RAPGEF4: variants seen among roughly 807,000 people sequenced by gnomAD.
The protein encoded by RAPGEF4 is Rap guanine nucleotide exchange factor 4, also known as RAP guanine-nucleotide-exchange factor (GEF) 4.
A neutral mutation model predicts 147.9 loss-of-function variants in RAPGEF4; 66 were observed. The observed-to-expected ratio is 0.45, with a 90% CI of 0.37 to 0.55. The LOEUF is 0.55. Ranked by LOEUF, RAPGEF4 falls within the 20% of genes least tolerant of loss-of-function variation. The pLI is 0.00. For synonymous variants in RAPGEF4, 419 were observed against 442.7 expected, an observed-to-expected ratio of 0.95 and a Z score of 0.67; for missense variants, 1,071 against 1,257.3, an observed-to-expected ratio of 0.85 and a Z score of 2.24.
At position 172,817,911 on chromosome 2, in the gene RAPGEF4, AT is replaced by A. The variant is rs1390377724; in HGVS notation, c.444+3487del. Among the ~76,000 whole-genome samples, 7 of 147,606 alleles carry A rather than the reference AT, an allele frequency of 4.7e-5. No homozygotes were observed. The East Asian group carries it at 9.8e-4, about 21-fold the overall frequency. ...ATATATATATATCACAATTATATATATATATAATATACATATTACAATTATA... is the reference window on the plus strand; with the variant it reads ...ATATATATATATCACAATTATATATAATATAATATACATATTACAATTATA... On this transcript the variant is annotated intron_variant, in intron 4 of 30. Coordinates refer to ENST00000397081, the MANE Select transcript of RAPGEF4 (RefSeq NM_007023.4).
intron 1 of RAPGEF4, among the ~76,000 whole-genome samples, chr2:172,791,234 C>G (rs531661271): frequency 6.6e-6 from 1 of 152,180 alleles, no homozygotes; most frequent in Non-Finnish European, 1.5e-5. Flanking sequence ...GTAGGCTCAC[C>G]TCTATGCTAT....
intron 4 of RAPGEF4, among the ~76,000 whole-genome samples, chr2:172,846,905 T>C (rs926062508): frequency 4.6e-5 from 7 of 152,162 alleles, no homozygotes; most frequent in Non-Finnish European, 1.5e-5. Flanking sequence ...ATCATGAGTT[T>C]CCAGCACGTG....
At chr2:172,744,034 T>G (rs1309839903) in intron 1 of RAPGEF4, 2 of 166,876 alleles carry the variant, frequency 1.2e-5, no homozygotes, top group African/African-American at 4.8e-5. Flanking sequence ...ACCTCATCTT[T>G]TTTAGCCCTG....
At chr2:172,756,868 A>G (rs1695828624) in intron 1 of RAPGEF4, among the ~76,000 whole-genome samples, 1 of 152,248 alleles carries the variant, frequency 6.6e-6, no homozygotes, top group South Asian at 2.1e-4. Context: ...AGTGAAACTC[A>G]CAGAGTTATA....
intron 4 of RAPGEF4, among the ~76,000 whole-genome samples, chr2:172,867,112 C>T (rs978490046): frequency 1.3e-5 from 2 of 151,892 alleles, no homozygotes; most frequent in African/African-American, 4.8e-5. Context: ...GCTGGGATTG[C>T]AGGCGCCCAC....
At chr2:172,877,436 C>A (rs892888400) in intron 4 of RAPGEF4, among the ~76,000 whole-genome samples, 1 of 151,332 alleles carries the variant, frequency 6.6e-6, no homozygotes, top group Non-Finnish European at 1.5e-5. Context: ...TTGATGGGTG[C>A]AGCAAACCAC....
Position 172,871,546 on chromosome 2 carries a change from G to T in RAPGEF4, c.445-46256G>T, listed in dbSNP as rs191267503. On this transcript the variant is annotated intron_variant, in intron 4 of 30. Transcript: ENST00000397081. ...TAACCTCTCTTTGCCAGGGCCTTCA[G>T]TTGTAAAATGGAAATAAGGTTCCCA... is the stretch of plus-strand genomic sequence containing the variant. Among the ~76,000 whole-genome samples the T allele has an allele frequency of 4.4e-4, 66 of 151,332 alleles. No homozygotes were observed. In the East Asian group the frequency reaches 0.011, roughly 25 times the overall value.
At chr2:172,972,942 A>G (rs1229699651) in intron 10 of RAPGEF4, among the ~76,000 whole-genome samples, 2 of 152,184 alleles carry the variant, frequency 1.3e-5, no homozygotes, top group Non-Finnish European at 2.9e-5. Context: ...TTATTTTTTA[A>G]TTCCTAACTT....
Position 172,922,281 on chromosome 2 carries a change from G to A in RAPGEF4, c.518G>A (p.Arg173Lys). 2 of 1,606,876 alleles carry A rather than the reference G, an allele frequency of 1.2e-6. No homozygotes were observed. The highest frequency in any genetic ancestry group is 1.7e-6 in the Non-Finnish European group (2 of 1,173,760). Residue 173 changes from arginine to lysine, a missense_variant and splice_region_variant, in exon 6 of 31, where the codon AGG becomes AAG. By Grantham distance (26) the Arg-to-Lys change is conservative. Coordinates refer to ENST00000397081, the MANE Select transcript of RAPGEF4 (RefSeq NM_007023.4). ...TCTCTGTCTCTTTTTCCTCCTTTAG[G>A]GATTCCTGACAAGGAGAACGTGAGT... ...GVMETGSNND[R>K]IPDKENTPLI...
chr2:172,776,458 G>C (rs190034650), intron 1 of RAPGEF4, among the ~76,000 whole-genome samples: 1 of 152,054 alleles, frequency 6.6e-6, no homozygotes, highest in Non-Finnish European at 1.5e-5. Flanking sequence ...ACTTTTGGGC[G>C]TATTTACTGC....
chr2:172,907,454 GA>G, intron 4 of RAPGEF4, among the ~76,000 whole-genome samples: 1 of 152,170 alleles, frequency 6.6e-6, no homozygotes, highest in Non-Finnish European at 1.5e-5. Context: ...TCAGAGGGCA[GA>G]AAGGCTTTGC....
At chr2:172,819,398 T>G (rs1688822879) in intron 4 of RAPGEF4, among the ~76,000 whole-genome samples, 1 of 151,700 alleles carries the variant, frequency 6.6e-6, no homozygotes, top group African/African-American at 2.4e-5. Flanking sequence ...TTGGAGACAG[T>G]ATGTTTCTGA....
At chr2:172,779,318 G>GT (rs1407355951) in intron 1 of RAPGEF4, among the ~76,000 whole-genome samples, 1 of 152,196 alleles carries the variant, frequency 6.6e-6, no homozygotes, top group African/African-American at 2.4e-5. Flanking sequence ...GAGGACTGTG[G>GT]TTTTAAATGG....
intron 15 of RAPGEF4, among the ~76,000 whole-genome samples, chr2:172,995,340 T>G (rs12693015): frequency 1.3e-5 from 2 of 150,662 alleles, no homozygotes; most frequent in Non-Finnish European, 3.0e-5. Flanking sequence ...AGTGCAGTGG[T>G]GTGATCTCCG....
chr2:172,796,234 G>A (rs1258890275), intron 2 of RAPGEF4, among the ~76,000 whole-genome samples: 4 of 152,194 alleles, frequency 2.6e-5, no homozygotes, highest in African/African-American at 9.6e-5. Context: ...GAGTCACAAC[G>A]TTATTGTAGA....
intron 6 of RAPGEF4, among the ~76,000 whole-genome samples, chr2:172,956,153 C>T (rs1688706771): frequency 6.6e-6 from 1 of 152,140 alleles, no homozygotes; most frequent in African/African-American, 2.4e-5. Flanking sequence ...TCTGGGACAC[C>T]CTCCAGGGTT....
intron 1 of RAPGEF4, among the ~76,000 whole-genome samples, chr2:172,748,865 T>G (rs1271793989): frequency 6.6e-6 from 1 of 152,218 alleles, no homozygotes; most frequent in Non-Finnish European, 1.5e-5. Context: ...GGGTAAATAC[T>G]GCCATTCCGA....
At chr2:172,835,252 CT>C (rs1262275794) in intron 4 of RAPGEF4, among the ~76,000 whole-genome samples, 7 of 152,288 alleles carry the variant, frequency 4.6e-5, no homozygotes, top group Admixed American at 1.3e-4. Flanking sequence ...ATTTTGGTGT[CT>C]TAGAGGACAG....
chr2:173,002,327 G>A (rs1694014706), intron 17 of RAPGEF4, among the ~76,000 whole-genome samples: 1 of 150,892 alleles, frequency 6.6e-6, no homozygotes, highest in South Asian at 2.1e-4. Context: ...AAACTCCAGT[G>A]ACAATTCCTC....
Sources: gnomAD v4.1 joint callset for allele counts (sites outside exome capture counted in the v4.1 genomes callset) on GRCh38, gnomAD v4.1.1 for gene constraint, MANE v1.5 for transcripts, NCBI Gene and HGNC (gene_info 2026-07-23, HGNC 2026-07-21) for gene names.